Variants in RBFOX1 observed in about 807,000 individuals in gnomAD.
RBFOX1 encodes RNA binding protein fox-1 homolog 1.
A neutral mutation model predicts 57.7 loss-of-function variants in RBFOX1; 8 were observed. The ratio of observed to expected loss-of-function variants is 0.14; its 90% CI spans 0.08 to 0.25. The LOEUF is 0.25. Among genes scored for constraint, RBFOX1 ranks in the 10% least tolerant of loss-of-function variants. The pLI is 1.00. For synonymous variants in RBFOX1, 326 were observed against 222.4 expected, an observed-to-expected ratio of 1.47 and a Z score of -4.15; for missense variants, 611 against 548.5, an observed-to-expected ratio of 1.11 and a Z score of -1.14.
intron 1 of RBFOX1, among the ~76,000 whole-genome samples, chr16:6,146,190 G>A (rs375147698): frequency 2.0e-5 from 3 of 152,168 alleles, no homozygotes; most frequent in Non-Finnish European, 2.9e-5. Context: ...GTGGGAGGGG[G>A]TGGAGGCAGG....
chr16:7,465,554 C>T (rs1374465984), intron 4 of RBFOX1, among the ~76,000 whole-genome samples: 1 of 152,192 alleles, frequency 6.6e-6, no homozygotes, highest in Non-Finnish European at 1.5e-5. Context: ...CTATTTGTGT[C>T]ATTTCAGGAA....
intron 4 of RBFOX1, among the ~76,000 whole-genome samples, chr16:7,115,563 C>T (rs1255741636): frequency 6.6e-6 from 1 of 152,158 alleles, no homozygotes; most frequent in Non-Finnish European, 1.5e-5. Flanking sequence ...GCTCTCTCAC[C>T]TGGCTGTTAG....
At chr16:5,553,136 G>A (rs34367862) in intron 2 of RBFOX1, among the ~76,000 whole-genome samples, 43,165 of 151,914 alleles carry the variant, frequency 0.28, 6,831 homozygotes, top group Non-Finnish European at 0.35. Flanking sequence ...CTGTCGAGGG[G>A]TGACGGGCTG....
chr16:6,074,289 G>C (rs2095870737), intron 1 of RBFOX1, among the ~76,000 whole-genome samples: 1 of 152,098 alleles, frequency 6.6e-6, no homozygotes, highest in Non-Finnish European at 1.5e-5. Context: ...TTCTTGCACA[G>C]CTGTACAGAC....
chr16:5,898,587 G>A (rs1475924787), intron 4 of RBFOX1, among the ~76,000 whole-genome samples: 3 of 150,962 alleles, frequency 2.0e-5, no homozygotes, highest in Non-Finnish European at 4.4e-5. Flanking sequence ...AATGAGCATA[G>A]ATTCTATTGT....
chr16:7,577,053 G>T (rs974267195), intron 5 of RBFOX1, among the ~76,000 whole-genome samples: 1 of 152,162 alleles, frequency 6.6e-6, no homozygotes, highest in Non-Finnish European at 1.5e-5. Context: ...GCTCTGTTTG[G>T]GTTTCAGTGT....
intron 4 of RBFOX1, among the ~76,000 whole-genome samples, chr16:7,053,864 C>G (rs1263907203): frequency 3.3e-5 from 5 of 152,160 alleles, no homozygotes; most frequent in Non-Finnish European, 5.9e-5. Context: ...ACTGTTCTTG[C>G]TTTTTAAATG....
chr16:7,222,236 C>G (rs2092784293), intron 4 of RBFOX1, among the ~76,000 whole-genome samples: 1 of 152,170 alleles, frequency 6.6e-6, no homozygotes, highest in Non-Finnish European at 1.5e-5. Context: ...TTCTTCTTTG[C>G]TCTTGTTTAC....
chr16:5,761,713 T>A (rs1314955820), intron 3 of RBFOX1, among the ~76,000 whole-genome samples: 1 of 152,202 alleles, frequency 6.6e-6, no homozygotes, highest in Non-Finnish European at 1.5e-5. Flanking sequence ...GGAGCTATAA[T>A]TCAAGATGAC....
intron 4 of RBFOX1, among the ~76,000 whole-genome samples, chr16:7,433,054 G>C (rs1952983700): frequency 6.6e-6 from 1 of 152,168 alleles, no homozygotes; most frequent in African/African-American, 2.4e-5. Context: ...GCATAATCTT[G>C]TTTTCCCAGG....
At chr16:7,128,006 G>C (rs1292325102) in intron 4 of RBFOX1, among the ~76,000 whole-genome samples, 1 of 152,162 alleles carries the variant, frequency 6.6e-6, no homozygotes, top group Non-Finnish European at 1.5e-5. Flanking sequence ...TTGAAATCTG[G>C]TTCTTTGCTG....
intron 2 of RBFOX1, among the ~76,000 whole-genome samples, chr16:6,531,091 G>T (rs777127728): frequency 7.2e-5 from 11 of 152,168 alleles, no homozygotes; most frequent in Admixed American, 2.6e-4. Flanking sequence ...TACTGGAACT[G>T]CATGAGTGAC....
intron 3 of RBFOX1, among the ~76,000 whole-genome samples, chr16:6,988,248 G>C (rs1166049340): frequency 6.6e-6 from 1 of 152,152 alleles, no homozygotes. Context: ...GGTTTTTCCA[G>C]GCAGGACTTT....
chr16:6,373,406 T>A (rs2090756056), intron 2 of RBFOX1, among the ~76,000 whole-genome samples: 1 of 151,126 alleles, frequency 6.6e-6, no homozygotes, highest in African/African-American at 2.4e-5. Context: ...AGGAGCATTG[T>A]TGGGTGCAAT....
intron 3 of RBFOX1, among the ~76,000 whole-genome samples, chr16:5,840,648 G>C (rs1168497554): frequency 6.6e-6 from 1 of 152,194 alleles, no homozygotes; most frequent in Non-Finnish European, 1.5e-5. Flanking sequence ...GTCAAAAGGG[G>C]AGGATTAGGG....
chr16:7,155,422 C>G (rs77089188), intron 4 of RBFOX1, among the ~76,000 whole-genome samples: 2,396 of 151,586 alleles, frequency 0.016, 93 homozygotes, highest in African/African-American at 0.055. Context: ...AACTCCATAT[C>G]TACATAAAAT....
chr16:6,995,932 A>C (rs1380268255), intron 3 of RBFOX1, among the ~76,000 whole-genome samples: 1 of 152,326 alleles, frequency 6.6e-6, no homozygotes, highest in African/African-American at 2.4e-5. Context: ...AGGAAAAAAC[A>C]ACCCAGTTCC....
chr16:6,083,905 T>C (rs2096048455), intron 1 of RBFOX1, among the ~76,000 whole-genome samples: 1 of 152,284 alleles, frequency 6.6e-6, no homozygotes, highest in Admixed American at 6.5e-5. Flanking sequence ...CCTGTAGATT[T>C]ATTTGGAGGA....
intron 4 of RBFOX1, among the ~76,000 whole-genome samples, chr16:7,233,122 A>C (rs1239257286): frequency 6.6e-6 from 1 of 151,990 alleles, no homozygotes; most frequent in Admixed American, 6.5e-5. Context: ...TTCCCTTCCC[A>C]GTTAAAAACC....
Sources: allele counts gnomAD v4.1 joint callset (sites outside exome capture counted in the v4.1 genomes callset), GRCh38; gene constraint gnomAD v4.1.1; transcripts MANE v1.5; gene names NCBI Gene and HGNC (gene_info 2026-07-23, HGNC 2026-07-21).